The following MAP4K1 variants were observed in gnomAD, a reference collection of about 807,000 sequenced individuals.
MAP4K1 encodes the protein MAPK/ERK kinase kinase kinase 1.
MAP4K1 carries 35 observed loss-of-function variants against 122.8 expected under a neutral mutation model. The observed-to-expected ratio is 0.29, with a 90% CI of 0.22 to 0.38. The LOEUF is 0.38. Among genes scored for constraint, MAP4K1 ranks in the 10% least tolerant of loss-of-function variants. The probability of loss-of-function intolerance (pLI) is 1.00; values close to 1 mark genes in which losing one functional copy is unlikely to be tolerated. For synonymous variants in MAP4K1, 412 were observed against 421.3 expected, an observed-to-expected ratio of 0.98 and a Z score of 0.27; for missense variants, 791 against 1,072.6, an observed-to-expected ratio of 0.74 and a Z score of 3.67.
In MAP4K1 at chr19:38,591,826, C is replaced by A. The variant is rs551464664; in HGVS notation, c.2396+1456G>T. 2.6e-5 allele frequency among the ~76,000 whole-genome samples: 4 copies of A among 152,088 alleles called. No homozygotes were observed. In the South Asian group the frequency reaches 8.3e-4, roughly 32 times the overall value. On this transcript the variant is annotated intron_variant, in intron 30 of 30. Coordinates refer to ENST00000396857, the MANE Select transcript of MAP4K1 (RefSeq NM_001042600.3). ...TCTCTACTAAAAATACAAAAATTAG[C>A]CGGGCACAGTGGCACATGCCTGTAA...
intron 13 of MAP4K1, 28 bp from the exon 14 acceptor site, chr19:38,608,198 C>G: frequency 7.4e-7 from 1 of 1,353,516 alleles, no homozygotes; most frequent in East Asian, 2.4e-5. Flanking sequence ...AGATAACCTG[C>G]TGTGAGCTGG....
intron 19 of MAP4K1, among the ~76,000 whole-genome samples, chr19:38,604,128 C>CAAAAAAAAAAAAAAAAAAAAAAAAAA (rs200072842): frequency 1.9e-5 from 1 of 53,522 alleles, no homozygotes; most frequent in African/African-American, 6.1e-5. Context: ...GATACTATCT[C>CAAAAAAAAAAAAAAAAAAAAAAAAAA]AAAAAAAAAA....
chr19:38,608,715 G>A (rs552040371), intron 13 of MAP4K1, among the ~76,000 whole-genome samples: 30 of 144,484 alleles, frequency 2.1e-4, no homozygotes, highest in Admixed American at 1.3e-3. Context: ...CAGGAGAATC[G>A]CTTGAACCCA....
rs199725251 is a variant in MAP4K1, at chr19:38,617,605, C to G, written c.120G>C (p.Gly40=). The change falls in exon 2 of 31, where the codon GGG becomes GGC. Residue 40 remains glycine, a synonymous_variant. Transcript: ENST00000396857. This position sits in a 1 kb window ranked among gnomAD's most constrained non-coding sequence, Gnocchi z 4.1. ...EVFKARDKVS[G]DLVALKMVKM... Reference sequence around the variant, plus strand: ...TCACCATCTTCAGTGCCACCAGGTCCCCTGACACCTTGTCTCGAGCCTTGC... The same window carrying G: ...TCACCATCTTCAGTGCCACCAGGTCGCCTGACACCTTGTCTCGAGCCTTGC... 20 of 1,614,128 alleles carry G rather than the reference C, an allele frequency of 1.2e-5. No homozygotes were observed. The highest frequency in any genetic ancestry group is 1.5e-5 in the Non-Finnish European group (18 of 1,180,034).
chr19:38,594,359 G>T (rs1026334502), intron 29 of MAP4K1, among the ~76,000 whole-genome samples: 2 of 152,238 alleles, frequency 1.3e-5, no homozygotes, highest in East Asian at 3.9e-4. Flanking sequence ...AAACAAACAG[G>T]CCGGGTGAAG....
intron 7 of MAP4K1, 38 bp downstream of exon 7, chr19:38,614,005 C>A: frequency 6.2e-7 from 1 of 1,613,448 alleles, no homozygotes; most frequent in Non-Finnish European, 8.5e-7. Context: ...TTCCGGCCCC[C>A]CAGTCAGCCC....
intron 16 of MAP4K1, 31 bp from the exon 17 acceptor site, chr19:38,606,246 G>T: frequency 8.0e-7 from 1 of 1,252,828 alleles, no homozygotes; most frequent in Admixed American, 2.4e-5. Context: ...AAATAGCTGG[G>T]GGGCTGGGGA....
chr19:38,597,190 A>G lies in MAP4K1; in HGVS notation c.1838-53T>C. 6.3e-7 allele frequency: 1 copy of G among 1,599,482 alleles called. No individual in the cohort carries two copies. Among genetic ancestry groups the G allele is most frequent in the Non-Finnish European group, 8.6e-7 (1 of 1,167,012 alleles). ...ATCAATGCCCTCTATCCTCCTCGCC[A>G]CCCACACTACCACCCATCTTCTGGG... On this transcript the variant is annotated intron_variant, in intron 24 of 30. Transcript: ENST00000396857. This position sits in a 1 kb window ranked among gnomAD's most constrained non-coding sequence, Gnocchi z 4.6.
chr19:38,595,494 G>C lies in MAP4K1; in HGVS notation c.2331C>G (p.Gly777=), dbSNP rs564853457. 2 of 1,614,032 alleles carry C rather than the reference G, an allele frequency of 1.2e-6. No homozygotes were observed. Among genetic ancestry groups the C allele is most frequent in the Non-Finnish European group, 1.7e-6 (2 of 1,180,002 alleles). Residue 777 remains glycine, a synonymous_variant, in exon 29 of 31, where the codon GGC becomes GGG. Coordinates refer to ENST00000396857, the MANE Select transcript of MAP4K1 (RefSeq NM_001042600.3). ...WKHGVQVWAL[G]SDQLLQELRD... Reference sequence around the variant, plus strand: ...GGATGGAGGGGCTTACCTGATCCGAGCCTAGAGCCCACACCTGCACTCCAT... The same window carrying C: ...GGATGGAGGGGCTTACCTGATCCGACCCTAGAGCCCACACCTGCACTCCAT...
chr19:38,592,883 C>T (rs1974768040), intron 30 of MAP4K1, among the ~76,000 whole-genome samples: 1 of 152,000 alleles, frequency 6.6e-6, no homozygotes, highest in Non-Finnish European at 1.5e-5. Context: ...CACCATTGCA[C>T]TCCAGCCTGG....
chr19:38,615,760 C>T (rs1407628594), intron 4 of MAP4K1, among the ~76,000 whole-genome samples: 1 of 152,122 alleles, frequency 6.6e-6, no homozygotes, highest in Non-Finnish European at 1.5e-5. Flanking sequence ...CAGAATCAAA[C>T]GATTCTCCTG....
intron 9 of MAP4K1, among the ~76,000 whole-genome samples, chr19:38,612,312 C>T (rs1975521993): frequency 2.0e-5 from 3 of 149,796 alleles, no homozygotes; most frequent in Admixed American, 1.3e-4. Context: ...CTCAGCTACT[C>T]GGGAGGCTGA....
At chr19:38,595,886 T>C in intron 27 of MAP4K1, 53 bp downstream of exon 27, 1 of 1,594,072 alleles carries the variant, frequency 6.3e-7, no homozygotes, top group South Asian at 1.1e-5. Flanking sequence ...GGCAGAGATC[T>C]AGGGACTGCA....
rs1164261721 is a variant in MAP4K1, at chr19:38,590,373, G to GAAAAAAAAAAAAAAA, written c.2397-2571_2397-2557dup. Among the ~76,000 whole-genome samples, 6 of 18,012 alleles carry GAAAAAAAAAAAAAAA rather than the reference G, an allele frequency of 3.3e-4. 3 individuals are homozygous for GAAAAAAAAAAAAAAA. Among genetic ancestry groups the GAAAAAAAAAAAAAAA allele is most frequent in the East Asian group, 8.5e-3 (2 of 234 alleles). 11.8% of individuals were successfully genotyped at this position (18,012 alleles called of 152,430 possible). On this transcript the variant is annotated intron_variant, in intron 30 of 30. Transcript: ENST00000396857. ...AAGTGCCACCTATGATCTTGGACCA[G>GAAAAAAAAAAAAAAA]AAAAAAAAAAAAAAAAAAAAAATAT...
intron 16 of MAP4K1, among the ~76,000 whole-genome samples, chr19:38,607,114 G>A (rs903809237): frequency 1.3e-5 from 2 of 152,070 alleles, no homozygotes; most frequent in Admixed American, 6.6e-5. Flanking sequence ...GTTTGAGACT[G>A]GGATGTGGCT....
Position 38,608,828 on chromosome 19 carries a change from A to AAAAAAAAAAAC in MAP4K1, c.1007-659_1007-658insGTTTTTTTTTT, listed in dbSNP as rs1555811720. 7.2e-3 allele frequency among the ~76,000 whole-genome samples: 986 copies of AAAAAAAAAAAC among 137,222 alleles called. 66 individuals are homozygous for AAAAAAAAAAAC. Among genetic ancestry groups the AAAAAAAAAAAC allele is most frequent in the South Asian group, 0.016 (60 of 3,798 alleles). 90.0% of individuals were successfully genotyped at this position (137,222 alleles called of 152,430 possible). ...AAAAAAAAAAAAAAAAAAAAAAAAA[A>AAAAAAAAAAAC]ACATTAGCCACGCGTGGTGAATAAG... On this transcript the variant is annotated intron_variant, in intron 13 of 30. Coordinates refer to ENST00000396857, the MANE Select transcript of MAP4K1 (RefSeq NM_001042600.3).
At chr19:38,610,416 C>T (rs995129852) in intron 11 of MAP4K1, among the ~76,000 whole-genome samples, 1 of 127,614 alleles carries the variant, frequency 7.8e-6, no homozygotes, top group Non-Finnish European at 1.6e-5. Flanking sequence ...GACAGGGTCT[C>T]GCCCTGTCAC....
intron 27 of MAP4K1, 99 bp from the exon 28 acceptor site, chr19:38,595,828 G>C (rs1312835964): frequency 1.3e-6 from 2 of 1,496,548 alleles, no homozygotes; most frequent in East Asian, 2.3e-5. Flanking sequence ...GTAGGACAGG[G>C]GCAAGGCCCA....
intron 4 of MAP4K1, among the ~76,000 whole-genome samples, chr19:38,615,797 A>G (rs1171317604): frequency 6.6e-6 from 1 of 152,072 alleles, no homozygotes; most frequent in East Asian, 1.9e-4. Context: ...AGCTGGGATT[A>G]CAGGCGTCTG....
Sources: gnomAD v4.1 joint callset for allele counts (sites outside exome capture counted in the v4.1 genomes callset) on GRCh38, gnomAD v4.1.1 for gene constraint, Gnocchi (gnomAD v3.1) non-coding constraint, MANE v1.5 for transcripts, NCBI Gene and HGNC (gene_info 2026-07-23, HGNC 2026-07-21) for gene names.